ELAPOR1: variants seen among roughly 807,000 people sequenced by gnomAD.
ELAPOR1 encodes the protein endosome/lysosome-associated apoptosis and autophagy regulator 1.
In ELAPOR1, 77 loss-of-function variants were observed where a neutral mutation model predicts 119.7. The observed-to-expected ratio is 0.64, with a 90% CI of 0.54 to 0.78. The LOEUF is 0.78. Ranked by LOEUF, ELAPOR1 falls within the 30% of genes least tolerant of loss-of-function variation. The probability of loss-of-function intolerance (pLI) is 0.00; values close to 1 mark genes in which losing one functional copy is unlikely to be tolerated. For synonymous variants in ELAPOR1, 481 were observed against 487.2 expected, an observed-to-expected ratio of 0.99 and a Z score of 0.17; for missense variants, 1,115 against 1,270.4, an observed-to-expected ratio of 0.88 and a Z score of 1.86.
chr1:109,141,321 C>T (rs961449135), intron 1 of ELAPOR1, among the ~76,000 whole-genome samples: 7 of 152,008 alleles, frequency 4.6e-5, no homozygotes, highest in Non-Finnish European at 1.0e-4. Flanking sequence ...AATGCAGTGG[C>T]ACAATCTTGG....
Position 109,200,787 on chromosome 1 carries a change from G to A in ELAPOR1, c.2860G>A (p.Asp954Asn), listed in dbSNP as rs759361334. ...GATGAATGCTACTCTCAAGGACTGTGACCTGCCAGCAGCTGACAGCTGCGC... is the reference window on the plus strand; with the variant it reads ...GATGAATGCTACTCTCAAGGACTGTAACCTGCCAGCAGCTGACAGCTGCGC... Reference protein sequence around the residue: ...LVMNATLKDCDLPAADSCAIM... With the variant: ...LVMNATLKDCNLPAADSCAIM... Residue 954 changes from aspartate to asparagine, a missense_variant, in exon 21 of 22, where the codon GAC becomes AAC. By Grantham distance (23) the Asp-to-Asn change is conservative (BLOSUM62 1). Coordinates refer to ENST00000369939, the MANE Select transcript of ELAPOR1 (RefSeq NM_020775.5). 5 of 1,614,186 alleles carry A rather than the reference G, an allele frequency of 3.1e-6. No homozygotes were observed. The highest frequency in any genetic ancestry group is 3.3e-5 in the Admixed American group (2 of 60,022).
chr1:109,117,050 G>A (rs569797139), intron 1 of ELAPOR1, among the ~76,000 whole-genome samples: 10 of 141,310 alleles, frequency 7.1e-5, no homozygotes, highest in African/African-American at 2.9e-4. Context: ...GGGTGTTGAT[G>A]GCAGGACTCT....
At chr1:109,137,781 G>GC (rs1649571415) in intron 1 of ELAPOR1, among the ~76,000 whole-genome samples, 1 of 152,116 alleles carries the variant, frequency 6.6e-6, no homozygotes, top group African/African-American at 2.4e-5. Context: ...GCCCGCCTCG[G>GC]CCCCCCAAAG....
intron 21 of ELAPOR1, 120 bp from the exon 22 acceptor site, chr1:109,202,824 A>C (rs545646924): frequency 6.3e-4 from 576 of 917,406 alleles, no homozygotes; most frequent in Non-Finnish European, 9.6e-4. Flanking sequence ...GTGTTTCCAC[A>C]AAGCCACTGA....
chr1:109,144,710 C>T (rs549824400), intron 1 of ELAPOR1, among the ~76,000 whole-genome samples: 17 of 152,218 alleles, frequency 1.1e-4, no homozygotes, highest in African/African-American at 3.9e-4. Context: ...CCACTACACT[C>T]CAGCCTGGGC....
At position 109,178,834 on chromosome 1, in the gene ELAPOR1, G is replaced by A. The variant is rs143246523; in HGVS notation, c.952+4997G>A. Among the ~76,000 whole-genome samples, 123 of 151,960 alleles carry A rather than the reference G, an allele frequency of 8.1e-4. 1 individual carries two copies. The highest frequency in any genetic ancestry group is 2.4e-3 in the African/African-American group (101 of 41,442). On this transcript the variant is annotated intron_variant, in intron 7 of 21. Coordinates refer to ENST00000369939, the MANE Select transcript of ELAPOR1 (RefSeq NM_020775.5). ...ACAAAAATTAGCTGGGTGTGGTGGC[G>A]CACGCCTGTAATCCCAGCTACTTGG...
chr1:109,164,433 C>T, intron 2 of ELAPOR1, 66 bp from the exon 3 acceptor site: 1 of 1,438,506 alleles, frequency 7.0e-7, no homozygotes, highest in Non-Finnish European at 9.6e-7. Context: ...CAGCTGCTCG[C>T]AGCCCATTCA....
intron 1 of ELAPOR1, among the ~76,000 whole-genome samples, chr1:109,149,718 G>A (rs1351829678): frequency 3.3e-5 from 5 of 152,148 alleles, no homozygotes; most frequent in African/African-American, 4.8e-5. Flanking sequence ...AATGGGGACG[G>A]GGCAGAAATA....
At chr1:109,173,927 G>A in intron 7 of ELAPOR1, 90 bp downstream of exon 7, 2 of 1,382,642 alleles carry the variant, frequency 1.4e-6, no homozygotes, top group Non-Finnish European at 2.0e-6. Flanking sequence ...CATCCTTCTG[G>A]CCAAGCTGAG....
rs752982373 is a variant in ELAPOR1 at position 109,164,556 on chromosome 1, G to A, written c.332G>A (p.Cys111Tyr). 6.2e-7 allele frequency: 1 copy of A among 1,614,184 alleles called. No homozygotes were observed. Among genetic ancestry groups the A allele is most frequent in the Non-Finnish European group, 8.5e-7 (1 of 1,180,002 alleles). The change falls in exon 3 of 22, where the codon TGC (cysteine) becomes TAC (tyrosine). Residue 111 changes from cysteine to tyrosine, a missense_variant. Cys to Tyr is a radical substitution (Grantham distance 194). Transcript: ENST00000369939. ...ATGAAGGACCAGTCATGTAAGCCATGCGCTGAGGGCCGCTACTCCCTCGGC... is the reference window on the plus strand; with the variant it reads ...ATGAAGGACCAGTCATGTAAGCCATACGCTGAGGGCCGCTACTCCCTCGGC... ...LDMKDQSCKP[C>Y]AEGRYSLGTG...
At chr1:109,139,779 T>C (rs1269122204) in intron 1 of ELAPOR1, among the ~76,000 whole-genome samples, 1 of 152,192 alleles carries the variant, frequency 6.6e-6, no homozygotes, top group Non-Finnish European at 1.5e-5. Context: ...GCATTTTTTT[T>C]CCTTTTTTTT....
chr1:109,141,152 A>G (rs1460344484), intron 1 of ELAPOR1, among the ~76,000 whole-genome samples: 2 of 152,194 alleles, frequency 1.3e-5, no homozygotes, highest in East Asian at 3.8e-4. Context: ...ATGCCCGGCC[A>G]AATGCATTTT....
intron 1 of ELAPOR1, among the ~76,000 whole-genome samples, chr1:109,117,896 G>A (rs1170607720): frequency 3.9e-5 from 6 of 152,036 alleles, no homozygotes; most frequent in Non-Finnish European, 8.8e-5. Context: ...TTGGGAGGCC[G>A]AGGCAGGTGG....
chr1:109,121,418 G>C (rs1367256747), intron 1 of ELAPOR1, among the ~76,000 whole-genome samples: 1 of 152,116 alleles, frequency 6.6e-6, no homozygotes, highest in East Asian at 1.9e-4. Flanking sequence ...AAGTGCGTGA[G>C]CCACTGTGCC....
chr1:109,171,786 C>A (rs1651940531), intron 3 of ELAPOR1, 80 bp from the exon 4 acceptor site: 1 of 1,424,240 alleles, frequency 7.0e-7, no homozygotes, highest in Admixed American at 2.2e-5. Flanking sequence ...AAAGACCCAG[C>A]AGAACATGAG....
At chr1:109,191,205 A>G (rs1217059283) in intron 11 of ELAPOR1, among the ~76,000 whole-genome samples, 161 bp from the exon 12 acceptor site, 1 of 152,198 alleles carries the variant, frequency 6.6e-6, no homozygotes, top group African/African-American at 2.4e-5. Flanking sequence ...TGGCTAGGTC[A>G]AGGTCACATA....
intron 2 of ELAPOR1, 28 bp downstream of exon 2, chr1:109,162,042 C>T (rs1048787799): frequency 2.5e-6 from 4 of 1,592,024 alleles, no homozygotes; most frequent in East Asian, 2.3e-5. Context: ...TCAGGGCCTC[C>T]CTGTCACTCA....
At chr1:109,147,285 C>T (rs148301579) in intron 1 of ELAPOR1, among the ~76,000 whole-genome samples, 1 of 151,876 alleles carries the variant, frequency 6.6e-6, no homozygotes, top group East Asian at 1.9e-4. Flanking sequence ...ATTTATCCAG[C>T]CATGAAAAGA....
intron 8 of ELAPOR1, chr1:109,187,229 C>G (rs575547927): frequency 1.0e-6 from 1 of 985,370 alleles, no homozygotes; most frequent in Non-Finnish European, 1.2e-6. Context: ...AGAGCTGGCC[C>G]GAGACAGTTT....
Sources: gnomAD v4.1 joint callset for allele counts (sites outside exome capture counted in the v4.1 genomes callset) on GRCh38, gnomAD v4.1.1 for gene constraint, MANE v1.5 for transcripts, NCBI Gene and HGNC (gene_info 2026-07-23, HGNC 2026-07-21) for gene names.